The following SLC35F4 variants were observed in gnomAD, a reference collection of about 807,000 sequenced individuals.
SLC35F4 encodes chromosome 14 open reading frame 36.
Under a neutral mutation model 44.2 loss-of-function variants are expected in SLC35F4, and 24 were observed. That is an observed-to-expected ratio of 0.54 (90% CI 0.39 to 0.76). The LOEUF is 0.76. Ranked by LOEUF, SLC35F4 falls within the 30% of genes least tolerant of loss-of-function variation. SLC35F4 has a pLI of 0.00. For missense variants in SLC35F4, 562 were observed against 586.1 expected (o/e 0.96, Z 0.42); for synonymous variants, 238 against 223.6 (o/e 1.06, Z -0.57).
chr14:57,888,600 T>C (rs184960872), intron 1 of SLC35F4, among the ~76,000 whole-genome samples: 1 of 152,336 alleles, frequency 6.6e-6, no homozygotes, highest in African/African-American at 2.4e-5. Flanking sequence ...ATTATTATCA[T>C]TATTACTATC....
At chr14:57,632,402 T>TCA (rs1472376359) in intron 1 of SLC35F4, among the ~76,000 whole-genome samples, 9 of 151,756 alleles carry the variant, frequency 5.9e-5, no homozygotes, top group African/African-American at 2.2e-4. Flanking sequence ...AGATGAGGAG[T>TCA]CACAGGGAGA....
At chr14:57,932,489 G>A (rs1248589917) in intron 1 of SLC35F4, among the ~76,000 whole-genome samples, 1 of 152,164 alleles carries the variant, frequency 6.6e-6, no homozygotes, top group Non-Finnish European at 1.5e-5. Context: ...TACTTGTTAA[G>A]TGCCAGGAGG....
chr14:57,778,182 T>C (rs1048758847), intron 1 of SLC35F4, among the ~76,000 whole-genome samples: 14 of 152,228 alleles, frequency 9.2e-5, no homozygotes, highest in African/African-American at 3.4e-4. Flanking sequence ...GTAACATGAC[T>C]TGCTCCTCCT....
chr14:57,687,415 T>C (rs371632612), intron 1 of SLC35F4, among the ~76,000 whole-genome samples: 59 of 152,192 alleles, frequency 3.9e-4, no homozygotes, highest in African/African-American at 1.4e-3. Flanking sequence ...CTATGACTGG[T>C]CTCCAATAAA....
At chr14:57,968,344 C>G (rs577415816) in intron 1 of SLC35F4, among the ~76,000 whole-genome samples, 2 of 152,216 alleles carry the variant, frequency 1.3e-5, no homozygotes, top group Non-Finnish European at 2.9e-5. Context: ...AGTCTGGACT[C>G]TAGAGCTAAC....
rs145800548 is a variant in SLC35F4, at chr14:57,682,136, C to T, written c.104-88012G>A. On this transcript the variant is annotated intron_variant, in intron 1 of 7. Transcript: ENST00000556826. ...GAAATAGCATTTGACCCAGCAATCC[C>T]GTTACTGGGTATATACCCAAAGGAG... is the stretch of plus-strand genomic sequence containing the variant. 2.4e-3 allele frequency among the ~76,000 whole-genome samples: 372 copies of T among 152,202 alleles called. 1 individual carries two copies. The highest frequency in any genetic ancestry group is 3.9e-3 in the Non-Finnish European group (265 of 68,016).
At chr14:57,658,589 T>C (rs1284060841) in intron 1 of SLC35F4, among the ~76,000 whole-genome samples, 1 of 152,174 alleles carries the variant, frequency 6.6e-6, no homozygotes, top group Admixed American at 6.5e-5. Flanking sequence ...CTGACCACTC[T>C]TTGTTTTTAA....
chr14:57,582,715 T>C (rs757932775), intron 3 of SLC35F4, among the ~76,000 whole-genome samples: 5 of 152,242 alleles, frequency 3.3e-5, no homozygotes, highest in Non-Finnish European at 7.3e-5. Flanking sequence ...GAGTAGTATA[T>C]GTTTATAATG....
At chr14:57,599,905 G>T (rs1457279725) in intron 1 of SLC35F4, among the ~76,000 whole-genome samples, 1 of 152,034 alleles carries the variant, frequency 6.6e-6, no homozygotes, top group East Asian at 1.9e-4. Flanking sequence ...CCAGTTGGGG[G>T]TCTTGGAAAT....
intron 1 of SLC35F4, among the ~76,000 whole-genome samples, chr14:57,693,900 A>T (rs894355590): frequency 2.0e-5 from 3 of 152,050 alleles, no homozygotes; most frequent in Non-Finnish European, 4.4e-5. Context: ...AGACGAATAT[A>T]TTTTCCCAAG....
intron 1 of SLC35F4, among the ~76,000 whole-genome samples, chr14:57,705,310 T>C (rs1402006676): frequency 6.6e-6 from 1 of 152,194 alleles, no homozygotes; most frequent in Non-Finnish European, 1.5e-5. Context: ...AAGTCCTTAA[T>C]TCATTTATTT....
At chr14:57,941,169 C>G (rs1889910503) in intron 1 of SLC35F4, among the ~76,000 whole-genome samples, 1 of 152,102 alleles carries the variant, frequency 6.6e-6, no homozygotes, top group Admixed American at 6.5e-5. Context: ...TATCACATGA[C>G]TCACAATTTA....
intron 1 of SLC35F4, among the ~76,000 whole-genome samples, chr14:57,960,360 C>T (rs79354299): frequency 5.9e-5 from 9 of 152,324 alleles, no homozygotes; most frequent in Non-Finnish European, 8.8e-5. Flanking sequence ...TCACATCCAT[C>T]GGGAAACTTC....
intron 1 of SLC35F4, among the ~76,000 whole-genome samples, chr14:57,775,138 C>CATCA (rs1270855258): frequency 6.6e-6 from 1 of 152,244 alleles, no homozygotes; most frequent in Non-Finnish European, 1.5e-5. Flanking sequence ...AGCACCCCAC[C>CATCA]CCTGTGCTAA....
At chr14:57,758,691 A>G (rs1594979118) in intron 1 of SLC35F4, among the ~76,000 whole-genome samples, 1 of 151,746 alleles carries the variant, frequency 6.6e-6, no homozygotes, top group Non-Finnish European at 1.5e-5. Context: ...CTTATTTTTA[A>G]GCGTGGTAAT....
Position 57,788,113 on chromosome 14 carries a change from G to A in SLC35F4, c.103+77610C>T, listed in dbSNP as rs572843774. 3.9e-5 allele frequency among the ~76,000 whole-genome samples: 6 copies of A among 152,156 alleles called. No homozygotes were observed. The East Asian group carries it at 1.2e-3, about 29-fold the overall frequency. On this transcript the variant is annotated intron_variant, in intron 1 of 7. Transcript: ENST00000556826. ...GCAAATGGACACCAAAACAAGCACG[G>A]GTAGCTGTTCTTAGACAAAACAAAC...
rs372287685 is a variant in SLC35F4, at chr14:57,934,506, T to C, written n.282+47407A>G. Among the ~76,000 whole-genome samples the C allele has an allele frequency of 2.6e-5, 4 of 152,092 alleles. No homozygotes were observed. The South Asian group carries it at 8.3e-4, about 32-fold the overall frequency. ...CACCCTGTAGTTCATTGTCTCTGCA[T>C]AGAGGGATTACTGGTTCTCTAAATT... On this transcript the variant is annotated intron_variant and non_coding_transcript_variant, in intron 1 of 1. Coordinates refer to the SLC35F4 transcript ENST00000556568.
chr14:57,943,218 G>C (rs750555787), intron 1 of SLC35F4, among the ~76,000 whole-genome samples: 4 of 152,154 alleles, frequency 2.6e-5, no homozygotes, highest in Non-Finnish European at 4.4e-5. Flanking sequence ...AGTGGTTTTT[G>C]CACAGAATTG....
chr14:57,744,478 A>T (rs574504753), intron 1 of SLC35F4, among the ~76,000 whole-genome samples: 20 of 152,224 alleles, frequency 1.3e-4, no homozygotes, highest in South Asian at 2.1e-4. Flanking sequence ...CATTCACAAT[A>T]ACTTCAAAGA....
Sources: gnomAD v4.1 joint callset for allele counts (sites outside exome capture counted in the v4.1 genomes callset) on GRCh38, gnomAD v4.1.1 for gene constraint, MANE v1.5 for transcripts, NCBI Gene and HGNC (gene_info 2026-07-23, HGNC 2026-07-21) for gene names.